PRKCA: variants seen among roughly 807,000 people sequenced by gnomAD.
PRKCA encodes the protein protein kinase C alpha type.
In PRKCA, 27 loss-of-function variants were observed where a neutral mutation model predicts 87.0. The ratio of observed to expected loss-of-function variants is 0.31; its 90% CI spans 0.23 to 0.43. The LOEUF (loss-of-function observed/expected upper bound fraction) is 0.43. Ranked by LOEUF, PRKCA falls within the 20% of genes least tolerant of loss-of-function variation. The pLI is 1.00. For missense variants in PRKCA, 518 were observed against 852.3 expected (o/e 0.61, Z 4.88); for synonymous variants, 329 against 311.1 (o/e 1.06, Z -0.61).
At chr17:66,674,647 A>G (rs1380035640) in intron 5 of PRKCA, among the ~76,000 whole-genome samples, 2 of 152,206 alleles carry the variant, frequency 1.3e-5, no homozygotes, top group East Asian at 3.9e-4. Flanking sequence ...ATGGTAGGAA[A>G]CAGATTAGAG....
chr17:66,756,439 A>T (rs1396387932), intron 13 of PRKCA, among the ~76,000 whole-genome samples: 5 of 152,048 alleles, frequency 3.3e-5, no homozygotes, highest in African/African-American at 9.7e-5. Flanking sequence ...GGACCGTAGC[A>T]CACTTCCCCT....
At chr17:66,665,563 C>G (rs186776757) in intron 5 of PRKCA, among the ~76,000 whole-genome samples, 1 of 152,156 alleles carries the variant, frequency 6.6e-6, no homozygotes, top group African/African-American at 2.4e-5. Flanking sequence ...TAAGCACTCA[C>G]TCCTCCATGC....
chr17:66,548,840 G>C (rs983072930), intron 3 of PRKCA, among the ~76,000 whole-genome samples: 8 of 151,084 alleles, frequency 5.3e-5, no homozygotes, highest in African/African-American at 2.0e-4. Context: ...CTCTCTCTCT[G>C]TTGCCCAGGC....
At chr17:66,442,580 G>A (rs1913828857) in intron 2 of PRKCA, among the ~76,000 whole-genome samples, 1 of 152,094 alleles carries the variant, frequency 6.6e-6, no homozygotes, top group Admixed American at 6.6e-5. Flanking sequence ...ATCATCAGCT[G>A]CCCTGCGTCT....
At chr17:66,774,442 G>A (rs752021721) in intron 14 of PRKCA, 28 of 844,118 alleles carry the variant, frequency 3.3e-5, no homozygotes, top group East Asian at 7.2e-5. Flanking sequence ...CCAACATGGC[G>A]AAACCCCATC....
chr17:66,790,192 T>C (rs978679482), intron 16 of PRKCA, among the ~76,000 whole-genome samples: 1 of 152,236 alleles, frequency 6.6e-6, no homozygotes, highest in Non-Finnish European at 1.5e-5. Flanking sequence ...AGCAGCAACT[T>C]CCTCACCATG....
chr17:66,631,504 G>A (rs1598829685), intron 3 of PRKCA, among the ~76,000 whole-genome samples: 1 of 151,980 alleles, frequency 6.6e-6, no homozygotes, highest in South Asian at 2.1e-4. Flanking sequence ...TTACAGCCTC[G>A]AACACCTGGG....
chr17:66,647,096 G>C (rs1038799965), intron 5 of PRKCA, among the ~76,000 whole-genome samples: 1 of 152,158 alleles, frequency 6.6e-6, no homozygotes, highest in Non-Finnish European at 1.5e-5. Context: ...TCTCTGCCCA[G>C]AGGAAGATGG....
intron 2 of PRKCA, among the ~76,000 whole-genome samples, chr17:66,346,252 A>G (rs2143390298): frequency 6.6e-6 from 1 of 151,922 alleles, no homozygotes; most frequent in African/African-American, 2.4e-5. Context: ...ACGTGCCACC[A>G]CGCCTGGCTA....
Position 66,688,994 on chromosome 17 carries a change from C to T in PRKCA, c.865C>T (p.Pro289Ser), listed in dbSNP as rs770142713. The T allele has an allele frequency of 6.2e-7, 1 of 1,605,942 alleles. No homozygotes were observed. Among genetic ancestry groups the T allele is most frequent in the Non-Finnish European group, 8.5e-7 (1 of 1,176,330 alleles). ...AGAAGAAGGTGAGTACTACAACGTA[C>T]CCATTCCGGAAGGGGACGAGGAAGG... ...NQEEGEYYNV[P>S]IPEGDEEGNM... The change falls in exon 8 of 17, where the codon CCC (proline) becomes TCC (serine). Residue 289 changes from proline (P) to serine (S), a missense_variant. This residue lies in a region of PRKCA where 300 missense variants were observed against 496.8 expected (regional missense o/e 0.60). Transcript: ENST00000413366.
At position 66,625,742 on chromosome 17, in the gene PRKCA, G is replaced by T. The variant is rs527890148; in HGVS notation, c.289-15613G>T. Among the ~76,000 whole-genome samples the T allele has an allele frequency of 3.9e-5, 6 of 152,278 alleles. No individual in the cohort carries two copies. The East Asian group carries it at 1.2e-3, about 29-fold the overall frequency. On this transcript the variant is annotated intron_variant, in intron 3 of 16. Coordinates refer to ENST00000413366, the MANE Select transcript of PRKCA (RefSeq NM_002737.3). ...GCCTTATTGCCCAATATGTTACTAG[G>T]ATGTGCCATTGGTTCAGCGTCTAGC...
chr17:66,642,324 T>C (rs1295413355), intron 4 of PRKCA, among the ~76,000 whole-genome samples: 2 of 151,994 alleles, frequency 1.3e-5, no homozygotes, highest in Admixed American at 1.3e-4. Context: ...AGAGATGGGG[T>C]TTCACTGTGT....
At chr17:66,793,590 CAAAAAAAAAAAAAA>C (rs1168440797) in intron 16 of PRKCA, among the ~76,000 whole-genome samples, 3 of 51,592 alleles carry the variant, frequency 5.8e-5, no homozygotes, top group South Asian at 9.5e-4. Context: ...AACTCCGTCT[CAAAAAAAAAAAAAA>C]AAAAAAAAAA....
intron 2 of PRKCA, among the ~76,000 whole-genome samples, chr17:66,434,069 C>T (rs2143842088): frequency 6.6e-6 from 1 of 152,190 alleles, no homozygotes; most frequent in Non-Finnish European, 1.5e-5. Flanking sequence ...TAGCTTCCCT[C>T]AGCCTGAGCT....
At chr17:66,437,215 A>G (rs1363257185) in intron 2 of PRKCA, among the ~76,000 whole-genome samples, 2 of 152,206 alleles carry the variant, frequency 1.3e-5, no homozygotes, top group Non-Finnish European at 1.5e-5. Context: ...CCTGCTGAGC[A>G]GGTGGAGAGG....
chr17:66,771,257 G>A (rs1485640304), intron 13 of PRKCA, among the ~76,000 whole-genome samples: 4 of 152,220 alleles, frequency 2.6e-5, no homozygotes, highest in East Asian at 1.9e-4. Flanking sequence ...CACCCACCTC[G>A]GCTTCCCAAA....
chr17:66,360,516 G>T (rs553702564), intron 2 of PRKCA, among the ~76,000 whole-genome samples: 6 of 152,162 alleles, frequency 3.9e-5, no homozygotes, highest in African/African-American at 1.4e-4. Context: ...GTTGTGGTGC[G>T]GGGAGGCCAT....
chr17:66,511,467 A>G (rs566515049), intron 3 of PRKCA, among the ~76,000 whole-genome samples: 1 of 152,304 alleles, frequency 6.6e-6, no homozygotes, highest in East Asian at 1.9e-4. Context: ...ACCAGGATTT[A>G]GGTAATTCAT....
chr17:66,718,975 C>G (rs1973545383), intron 8 of PRKCA, among the ~76,000 whole-genome samples: 1 of 152,180 alleles, frequency 6.6e-6, no homozygotes, highest in Non-Finnish European at 1.5e-5. Flanking sequence ...GGGCTTCTTC[C>G]TCTTCTCTTT....
Sources: gnomAD v4.1 joint callset for allele counts (sites outside exome capture counted in the v4.1 genomes callset) on GRCh38, gnomAD v4.1.1 for gene constraint, gnomAD v4.1.1 regional missense constraint, MANE v1.5 for transcripts, NCBI Gene and HGNC (gene_info 2026-07-23, HGNC 2026-07-21) for gene names.